The following BRD3 variants were observed in gnomAD, a reference collection of about 807,000 sequenced individuals.
BRD3 encodes the protein bromodomain-containing protein 3.
In BRD3, 17 loss-of-function variants were observed where a neutral mutation model predicts 66.8. That is an observed-to-expected ratio of 0.25 (90% CI 0.17 to 0.38). The LOEUF (loss-of-function observed/expected upper bound fraction) is 0.38, where lower values mean the gene tolerates loss of function less well. Ranked by LOEUF, BRD3 falls within the 10% of genes least tolerant of loss-of-function variation. The probability of loss-of-function intolerance (pLI) is 1.00; values close to 1 mark genes in which losing one functional copy is unlikely to be tolerated. For missense variants in BRD3, 713 were observed against 956.1 expected (o/e 0.75, Z 3.35); for synonymous variants, 421 against 393.2 (o/e 1.07, Z -0.84).
In BRD3 at chr9:134,041,573, T is replaced by C. The variant is rs34565670; in HGVS notation, c.1407+187A>G. Among the ~76,000 whole-genome samples, 586 of 152,314 alleles carry C rather than the reference T, an allele frequency of 3.8e-3. 2 individuals carry two copies. The highest frequency in any genetic ancestry group is 0.01 in the Middle Eastern group (3 of 294). On this transcript the variant is annotated intron_variant, in intron 8 of 11. Coordinates refer to ENST00000303407, the MANE Select transcript of BRD3 (RefSeq NM_007371.4). ...TGTCCCCGCAGCCACCCACGTGTGC[T>C]GTGGGTTAGGCTCGCACCACCCCAG...
Position 134,045,174 on chromosome 9 carries a change from A to C in BRD3, c.1215+119T>G, listed in dbSNP as rs1830140712. 3 of 1,367,366 alleles carry C rather than the reference A, an allele frequency of 2.2e-6. No homozygotes were observed. The highest frequency in any genetic ancestry group is 2.0e-6 in the Non-Finnish European group (2 of 1,012,546). 84.7% of individuals were successfully genotyped at this position (1,367,366 alleles called of 1,614,324 possible). A position where few individuals can be genotyped will look rare whatever the true frequency, so the allele number is the denominator to read the frequency against. The stretch of plus-strand genomic sequence containing the variant: ...CACTCGGGAAAAAGGTGTTGAGGGA[A>C]TGAGGCTCTCTAAGGCCTTCCTCGG... On this transcript the variant is annotated intron_variant, in intron 7 of 11. Coordinates refer to ENST00000303407, the MANE Select transcript of BRD3 (RefSeq NM_007371.4). The surrounding 1 kb of genome is among the most constrained non-coding windows in gnomAD (Gnocchi z 4.8).
At chr9:134,048,514 C>T (rs1294457624) in intron 5 of BRD3, 60 bp from the exon 6 acceptor site, 3 of 1,589,672 alleles carry the variant, frequency 1.9e-6, no homozygotes, top group Non-Finnish European at 2.6e-6. Flanking sequence ...ACGCATGTCG[C>T]TGCAGCCGCG....
intron 2 of BRD3, 61 bp downstream of exon 2, chr9:134,053,204 G>C: frequency 6.4e-7 from 1 of 1,568,466 alleles, no homozygotes; most frequent in South Asian, 1.1e-5. Context: ...GGGGGCAGCA[G>C]GAGGGGGACA....
chr9:134,067,196 C>T (rs1830678632), intron 1 of BRD3, among the ~76,000 whole-genome samples: 1 of 152,228 alleles, frequency 6.6e-6, no homozygotes, highest in Non-Finnish European at 1.5e-5. Flanking sequence ...CGCCCTCGCC[C>T]GGATTAAGCG....
At position 134,067,938 on chromosome 9, in the gene BRD3, G is replaced by A. The variant is rs1258859666; in HGVS notation, c.-114+7C>T. On this transcript the variant is annotated splice_region_variant and intron_variant, in intron 1 of 11. Transcript: ENST00000303407. ...CGCGCGCGCAAGGAAGCAAGAGAAAGGCGTACTTGGCCTCGCGGCTCCGGC... is the reference window on the plus strand; with the variant it reads ...CGCGCGCGCAAGGAAGCAAGAGAAAAGCGTACTTGGCCTCGCGGCTCCGGC... 1 of 145,674 alleles carries A rather than the reference G, an allele frequency of 6.9e-6. No individual in the cohort carries two copies. The highest frequency in any genetic ancestry group is 1.5e-5 in the Non-Finnish European group (1 of 65,328). The allele number at this position is 145,674 out of a possible 1,614,324, so 9.0% of individuals were successfully genotyped here. A position where few individuals can be genotyped will look rare whatever the true frequency, so the allele number is the denominator to read the frequency against.
At position 134,050,591 on chromosome 9, in the gene BRD3, T is replaced by A; in HGVS notation, c.500-3A>T. The A allele has an allele frequency of 6.2e-7, 1 of 1,604,594 alleles. No homozygotes were observed. Among genetic ancestry groups the A allele is most frequent in the South Asian group, 1.1e-5 (1 of 90,732 alleles). The stretch of plus-strand genomic sequence containing the variant: ...CACGGCCGCCACTTGCTGTGTACCT[T>A]CAAGACAAGGAAGGGATGTTCAACA... On this transcript the variant is annotated splice_region_variant and splice_polypyrimidine_tract_variant and intron_variant, in intron 4 of 11. Coordinates refer to ENST00000303407, the MANE Select transcript of BRD3 (RefSeq NM_007371.4).
rs752179223 is a variant in BRD3, at chr9:134,034,688, C to T, written c.2065+13G>A. 3 of 1,601,910 alleles carry T rather than the reference C, an allele frequency of 1.9e-6. No individual in the cohort carries two copies. The highest frequency in any genetic ancestry group is 2.7e-5 in the African/African-American group (2 of 74,700). ...CCCCTAAAGAGGGGTGGCACAGCGG[C>T]CGCCAGCGGTACCTTTCCGGGCGGG... On this transcript the variant is annotated intron_variant, in intron 11 of 11. Coordinates refer to ENST00000303407, the MANE Select transcript of BRD3 (RefSeq NM_007371.4).
intron 6 of BRD3, among the ~76,000 whole-genome samples, chr9:134,047,578 C>T (rs1271187883): frequency 2.0e-5 from 3 of 152,168 alleles, no homozygotes; most frequent in South Asian, 4.1e-4. Context: ...GCCAGGCTCT[C>T]GGTCTCAGCT....
chr9:134,041,720 C>T (rs1830051765), intron 8 of BRD3, 40 bp downstream of exon 8: 3 of 1,594,592 alleles, frequency 1.9e-6, no homozygotes, highest in East Asian at 2.2e-5. Flanking sequence ...AGCAATCCCG[C>T]CTCAGCCCCT....
At chr9:134,051,890 T>TGTGTGTGTA (rs1564555926) in intron 3 of BRD3, among the ~76,000 whole-genome samples, 181 bp from the exon 4 acceptor site, 1 of 89,886 alleles carries the variant, frequency 1.1e-5, no homozygotes, top group African/African-American at 6.3e-5. Flanking sequence ...GTTTTTTTTG[T>TGTGTGTGTA]TTTTTTTTTT....
Position 134,045,457 on chromosome 9 carries a change from C to T in BRD3, c.1087-36G>A. 6.2e-7 allele frequency: 1 copy of T among 1,612,094 alleles called. No homozygotes were observed. Among genetic ancestry groups the T allele is most frequent in the Non-Finnish European group, 8.5e-7 (1 of 1,179,350 alleles). On this transcript the variant is annotated intron_variant, in intron 6 of 11. Coordinates refer to ENST00000303407, the MANE Select transcript of BRD3 (RefSeq NM_007371.4). The surrounding 1 kb of genome is among the most constrained non-coding windows in gnomAD (Gnocchi z 4.8). ...CAGTGACAGGGGCCAGTGAGCGTGGCCCGTGGCATCAGGACTCTCTGCCAC... is the reference window on the plus strand; with the variant it reads ...CAGTGACAGGGGCCAGTGAGCGTGGTCCGTGGCATCAGGACTCTCTGCCAC...
intron 9 of BRD3, among the ~76,000 whole-genome samples, chr9:134,039,591 C>T (rs1829995536): frequency 6.6e-6 from 1 of 152,206 alleles, no homozygotes; most frequent in Admixed American, 6.5e-5. Flanking sequence ...GTGGCTCCTG[C>T]ATGTCCCTAG....
chr9:134,059,376 G>A (rs938233318), intron 1 of BRD3, among the ~76,000 whole-genome samples: 5 of 152,232 alleles, frequency 3.3e-5, no homozygotes, highest in Non-Finnish European at 7.3e-5. Flanking sequence ...GGAATAAGCC[G>A]ACGGGACTCC....
chr9:134,034,666 C>A, intron 11 of BRD3, 35 bp downstream of exon 11: 1 of 1,599,648 alleles, frequency 6.3e-7, no homozygotes, highest in Middle Eastern at 1.7e-4. Context: ...CCCCACCCCC[C>A]TAAAGAGGGG....
intron 1 of BRD3, among the ~76,000 whole-genome samples, chr9:134,064,598 C>T (rs766984041): frequency 2.6e-5 from 4 of 152,122 alleles, no homozygotes; most frequent in African/African-American, 7.2e-5. Flanking sequence ...TGGTGGCTCA[C>T]GCTTGTAATC....
chr9:134,035,191 C>T (rs1255486951), intron 10 of BRD3, among the ~76,000 whole-genome samples: 1 of 152,232 alleles, frequency 6.6e-6, no homozygotes, highest in Non-Finnish European at 1.5e-5. Flanking sequence ...CCTGCCTCAC[C>T]AGGGCCGCTG....
intron 8 of BRD3, 62 bp from the exon 9 acceptor site, chr9:134,040,331 G>A: frequency 2.0e-6 from 3 of 1,532,316 alleles, no homozygotes; most frequent in Non-Finnish European, 8.8e-7. Flanking sequence ...GGGCTGCGTG[G>A]CGCCCTGGGA....
rs980744661 is a variant in BRD3, at chr9:134,030,874, C to T, written c.*2716G>A. ...TGTTCTCAAATCCAATTCCGACACACGACTTGTCACTACTCCTCTCCCCTT... is the reference window on the plus strand; with the variant it reads ...TGTTCTCAAATCCAATTCCGACACATGACTTGTCACTACTCCTCTCCCCTT... On this transcript the variant is annotated 3_prime_UTR_variant, in exon 12 of 12. Coordinates refer to ENST00000303407, the MANE Select transcript of BRD3 (RefSeq NM_007371.4). 8.2e-5 allele frequency: 19 copies of T among 232,014 alleles called. No homozygotes were observed. Among genetic ancestry groups the T allele is most frequent in the Non-Finnish European group, 1.4e-4 (16 of 117,352 alleles). 14.4% of individuals were successfully genotyped at this position (232,014 alleles called of 1,614,324 possible). A position where few individuals can be genotyped will look rare whatever the true frequency, so the allele number is the denominator to read the frequency against.
At chr9:134,041,373 C>T (rs1160680289) in intron 8 of BRD3, among the ~76,000 whole-genome samples, 1 of 152,122 alleles carries the variant, frequency 6.6e-6, no homozygotes, top group Admixed American at 6.5e-5. Flanking sequence ...GCCCTCAGGA[C>T]CCTGGAGCCT....
Sources: allele counts gnomAD v4.1 joint callset (sites outside exome capture counted in the v4.1 genomes callset), GRCh38; gene constraint gnomAD v4.1.1; non-coding constraint Gnocchi (gnomAD v3.1); transcripts MANE v1.5; gene names NCBI Gene and HGNC (gene_info 2026-07-23, HGNC 2026-07-21).